Variants in GNG7 observed in about 807,000 individuals in gnomAD.
GNG7 encodes the protein guanine nucleotide-binding protein G(I)/G(S)/G(O) subunit gamma-7.
GNG7 carries 1 observed loss-of-function variant against 4.0 expected under a neutral mutation model. The ratio of observed to expected loss-of-function variants is 0.25; its 90% CI spans 0.09 to 1.18. GNG7 has a LOEUF of 1.18. Among genes scored for constraint, GNG7 ranks in the 50% most tolerant of loss-of-function variants. The pLI is 0.50. For missense variants in GNG7, 86 were observed against 91.9 expected (o/e 0.94, Z 0.26); for synonymous variants, 34 against 36.9 (o/e 0.92, Z 0.29).
chr19:2,575,853 G>A lies in GNG7; in HGVS notation c.-77-20665C>T, dbSNP rs1244806411. 7.3e-5 allele frequency among the ~76,000 whole-genome samples: 7 copies of A among 95,292 alleles called. No individual in the cohort carries two copies. The East Asian group carries it at 1.1e-3, about 15-fold the overall frequency. The allele number at this position is 95,292 out of a possible 152,430, so 62.5% of individuals were successfully genotyped here. A position where few individuals can be genotyped will look rare whatever the true frequency, so the allele number is the denominator to read the frequency against. On this transcript the variant is annotated intron_variant, in intron 2 of 4. Coordinates refer to ENST00000382159, the MANE Select transcript of GNG7 (RefSeq NM_052847.3). ...CAGACAGGCAGGCACACGCAGACACGCAGGCACACGCAGACACAGGCACAC... is the reference window on the plus strand; with the variant it reads ...CAGACAGGCAGGCACACGCAGACACACAGGCACACGCAGACACAGGCACAC...
rs1317835934 is a variant in GNG7, at chr19:2,657,354, AAAAAAAAATATATATATAT to A, written c.-134-11093_-134-11075del. Reference sequence around the variant, plus strand: ...GTCTCAATTAAAAAAAAAAAAAAAAAAAAAAAAATATATATATATATATATATATATATATATATATATA... The same window carrying A: ...GTCTCAATTAAAAAAAAAAAAAAAAAATATATATATATATATATATATATA... On this transcript the variant is annotated intron_variant, in intron 1 of 4. Coordinates refer to ENST00000382159, the MANE Select transcript of GNG7 (RefSeq NM_052847.3). Among the ~76,000 whole-genome samples the A allele has an allele frequency of 1.4e-3, 30 of 21,884 alleles. 2 individuals are homozygous for A. The South Asian group carries it at 0.032, about 24-fold the overall frequency. The allele number at this position is 21,884 out of a possible 152,430, so 14.4% of individuals were successfully genotyped here.
intron 2 of GNG7, among the ~76,000 whole-genome samples, chr19:2,620,698 G>A (rs976007368): frequency 3.7e-4 from 57 of 152,212 alleles, no homozygotes; most frequent in African/African-American, 1.3e-3. Flanking sequence ...CCAGTTAGCT[G>A]GGCGTGGTGT....
intron 2 of GNG7, among the ~76,000 whole-genome samples, chr19:2,585,762 G>A (rs930670333): frequency 5.3e-5 from 8 of 152,180 alleles, no homozygotes; most frequent in Non-Finnish European, 8.8e-5. Context: ...GTGCAGTGGC[G>A]CGATCTCGGC....
chr19:2,599,463 G>T (rs998584410), intron 2 of GNG7, among the ~76,000 whole-genome samples: 1 of 152,016 alleles, frequency 6.6e-6, no homozygotes, highest in African/African-American at 2.4e-5. Flanking sequence ...GTGGAGGTGC[G>T]GACCTGGGAG....
chr19:2,635,318 A>G (rs1461839201), intron 2 of GNG7, among the ~76,000 whole-genome samples: 1 of 152,242 alleles, frequency 6.6e-6, no homozygotes, highest in Non-Finnish European at 1.5e-5. Flanking sequence ...TAAGGGGTAG[A>G]AAGTCTTCAG....
At chr19:2,532,150 C>CAA (rs370353680) in intron 3 of GNG7, among the ~76,000 whole-genome samples, 618 of 28,698 alleles carry the variant, frequency 0.022, 1 homozygote, top group African/African-American at 0.065. Context: ...GACTCCGTCT[C>CAA]AAAAAAAAAA....
Position 2,633,831 on chromosome 19 carries a change from G to A in GNG7, c.-78+12393C>T, listed in dbSNP as rs2144845789. 6.6e-6 allele frequency among the ~76,000 whole-genome samples: 1 copy of A among 152,260 alleles called. No individual in the cohort carries two copies. Among genetic ancestry groups the A allele is most frequent in the East Asian group, 1.9e-4 (1 of 5,168 alleles). ...CCCCCCGGCACTGTGGGCATTTGGG[G>A]CTGAATCATTCTTGGTTGTGGGGCT... is the stretch of plus-strand genomic sequence containing the variant. On this transcript the variant is annotated intron_variant, in intron 2 of 4. Transcript: ENST00000382159. The surrounding 1 kb of genome is among the most constrained non-coding windows in gnomAD (Gnocchi z 5.9).
At chr19:2,638,264 G>A (rs1395118669) in intron 2 of GNG7, among the ~76,000 whole-genome samples, 3 of 150,944 alleles carry the variant, frequency 2.0e-5, no homozygotes, top group East Asian at 1.9e-4. Flanking sequence ...TCGGGAGGCC[G>A]AGGCAGAGAA....
chr19:2,646,377 G>A (rs1982667161), intron 1 of GNG7, 97 bp from the exon 2 acceptor site: 1 of 152,162 alleles, frequency 6.6e-6, no homozygotes, highest in African/African-American at 2.4e-5. Context: ...TCGCGCTTGT[G>A]ATTGGACAAG....
rs1022100007 is a variant in GNG7, at chr19:2,653,989, C to T, written c.-134-7709G>A. ...GCCCAGCACCCTGGGCCCCCCACCG[C>T]CGGGTCTGGGACACAGATGCTCTCC... On this transcript the variant is annotated intron_variant, in intron 1 of 4. Transcript: ENST00000382159. The surrounding 1 kb of genome is among the most constrained non-coding windows in gnomAD (Gnocchi z 4.8). Among the ~76,000 whole-genome samples the T allele has an allele frequency of 5.9e-5, 9 of 152,334 alleles. No individual in the cohort carries two copies. The highest frequency in any genetic ancestry group is 2.2e-4 in the African/African-American group (9 of 41,584).
intron 3 of GNG7, among the ~76,000 whole-genome samples, 195 bp from the exon 4 acceptor site, chr19:2,520,920 C>T (rs766465463): frequency 4.6e-5 from 7 of 152,078 alleles, no homozygotes; most frequent in Non-Finnish European, 8.8e-5. Context: ...CGCGGTCAGC[C>T]GTCACAATCC....
In GNG7 at chr19:2,700,203, G is replaced by A. The variant is rs948659619; in HGVS notation, c.-135+2443C>T. 6.6e-5 allele frequency among the ~76,000 whole-genome samples: 10 copies of A among 150,602 alleles called. No homozygotes were observed. The South Asian group carries it at 8.4e-4, about 13-fold the overall frequency. Reference sequence around the variant, plus strand: ...GTTGCCCAGGCTGGAGTGCAATGGCGTGATCTTGGCTCACTGCAACCTCCA... The same window carrying A: ...GTTGCCCAGGCTGGAGTGCAATGGCATGATCTTGGCTCACTGCAACCTCCA... On this transcript the variant is annotated intron_variant, in intron 1 of 4. Coordinates refer to ENST00000382159, the MANE Select transcript of GNG7 (RefSeq NM_052847.3).
At position 2,636,345 on chromosome 19, in the gene GNG7, G is replaced by C. The variant is rs368495844; in HGVS notation, c.-78+9879C>G. Among the ~76,000 whole-genome samples, 19 of 152,254 alleles carry C rather than the reference G, an allele frequency of 1.2e-4. No homozygotes were observed. In the East Asian group the frequency reaches 3.7e-3, roughly 29 times the overall value. ...CCCGCCAGGACAATGACCCCTCTCT[G>C]AGCTGGGGAGTGGCAGCCCCAGGTC... On this transcript the variant is annotated intron_variant, in intron 2 of 4. Coordinates refer to ENST00000382159, the MANE Select transcript of GNG7 (RefSeq NM_052847.3).
chr19:2,668,917 C>G (rs934402512), intron 1 of GNG7, among the ~76,000 whole-genome samples: 1 of 152,044 alleles, frequency 6.6e-6, no homozygotes, highest in Non-Finnish European at 1.5e-5. Context: ...CGCAAATGTC[C>G]CCAGACATTG....
intron 2 of GNG7, among the ~76,000 whole-genome samples, chr19:2,622,329 T>C (rs1163122923): frequency 6.6e-6 from 1 of 152,240 alleles, no homozygotes; most frequent in African/African-American, 2.4e-5. Flanking sequence ...TCCGCCTGTG[T>C]CGGCCTCCCA....
intron 2 of GNG7, among the ~76,000 whole-genome samples, chr19:2,592,834 G>A (rs1343388661): frequency 6.9e-6 from 1 of 145,664 alleles, no homozygotes; most frequent in African/African-American, 2.5e-5. Flanking sequence ...GAGAGAGGGA[G>A]GGAGGGAGAG....
chr19:2,609,008 C>T lies in GNG7; in HGVS notation c.-78+37216G>A, dbSNP rs1423534441. On this transcript the variant is annotated intron_variant, in intron 2 of 4. Transcript: ENST00000382159. The surrounding 1 kb of genome is among the most constrained non-coding windows in gnomAD (Gnocchi z 4.4). ...ACATCATGCCTACCTAGTTCTTGTA[C>T]ATTCTCTCTCTCTCTCTCTCTCTCT... Among the ~76,000 whole-genome samples, 1 of 107,956 alleles carries T rather than the reference C, an allele frequency of 9.3e-6. No individual in the cohort carries two copies. Among genetic ancestry groups the T allele is most frequent in the Non-Finnish European group, 2.2e-5 (1 of 46,072 alleles). 70.8% of individuals were successfully genotyped at this position (107,956 alleles called of 152,430 possible).
chr19:2,607,591 A>T (rs1266869288), intron 2 of GNG7, among the ~76,000 whole-genome samples: 1 of 55,048 alleles, frequency 1.8e-5, no homozygotes, highest in Non-Finnish European at 6.8e-5. Flanking sequence ...AAAGAAAGAA[A>T]AGAAAAAAGA....
At chr19:2,642,529 C>G in intron 2 of GNG7, 3 of 351,376 alleles carry the variant, frequency 8.5e-6, no homozygotes, top group South Asian at 6.5e-5. Flanking sequence ...CCACGCCTGG[C>G]TAATTTCTGT....
Sources: allele counts gnomAD v4.1 joint callset (sites outside exome capture counted in the v4.1 genomes callset), GRCh38; gene constraint gnomAD v4.1.1; non-coding constraint Gnocchi (gnomAD v3.1); transcripts MANE v1.5; gene names NCBI Gene and HGNC (gene_info 2026-07-23, HGNC 2026-07-21).